SLC9B2: variants seen among roughly 807,000 people sequenced by gnomAD.
The protein encoded by SLC9B2 is sodium/hydrogen exchanger 9B2.
In SLC9B2, 39 loss-of-function variants were observed where a neutral mutation model predicts 52.2. That is an observed-to-expected ratio of 0.75 (90% CI 0.58 to 0.98). SLC9B2 has a LOEUF of 0.98. SLC9B2 is among the 50% of genes least tolerant of loss of function. SLC9B2 has a pLI of 0.00. For synonymous variants in SLC9B2, 214 were observed against 227.0 expected (o/e 0.94, Z 0.51); for missense variants, 626 against 637.5 (o/e 0.98, Z 0.19).
At chr4:103,061,595 C>T (rs1430792037) in intron 3 of SLC9B2, among the ~76,000 whole-genome samples, 1 of 152,016 alleles carries the variant, frequency 6.6e-6, no homozygotes, top group Non-Finnish European at 1.5e-5. Context: ...ACCAACATGG[C>T]ACATGTATAC....
At chr4:103,030,884 T>A (rs1194903975) in intron 10 of SLC9B2, among the ~76,000 whole-genome samples, 2 of 152,150 alleles carry the variant, frequency 1.3e-5, no homozygotes, top group African/African-American at 2.4e-5. Context: ...CATTTATGAG[T>A]CTGACTACTC....
chr4:103,055,115 G>A (rs999500256), intron 4 of SLC9B2, among the ~76,000 whole-genome samples: 7 of 151,930 alleles, frequency 4.6e-5, no homozygotes, highest in African/African-American at 1.2e-4. Context: ...GGAAACCATC[G>A]TTCTCAGCAA....
intron 9 of SLC9B2, among the ~76,000 whole-genome samples, chr4:103,033,489 T>C (rs1015592158): frequency 6.6e-6 from 1 of 151,880 alleles, no homozygotes; most frequent in African/African-American, 2.4e-5. Flanking sequence ...AGTCAAACTA[T>C]TTCTCTTCGC....
chr4:103,041,375 A>G (rs7694724), intron 9 of SLC9B2, among the ~76,000 whole-genome samples: 88,307 of 151,962 alleles, frequency 0.58, 26,752 homozygotes, highest in African/African-American at 0.77. Context: ...ACATAGCAGG[A>G]CTACAGGAAA....
In SLC9B2 at chr4:103,057,517, G is replaced by C. The variant is rs867322666; in HGVS notation, c.442+284C>G. 3.9e-5 allele frequency among the ~76,000 whole-genome samples: 6 copies of C among 152,012 alleles called. No individual in the cohort carries two copies. The South Asian group carries it at 6.2e-4, about 16-fold the overall frequency. ...GACAGGGTTTCACCATGTTTGCCCTGGCTGGTCTCGAACTCCAGAGCTCAA... is the reference window on the plus strand; with the variant it reads ...GACAGGGTTTCACCATGTTTGCCCTCGCTGGTCTCGAACTCCAGAGCTCAA... On this transcript the variant is annotated intron_variant, in intron 4 of 11. Coordinates refer to ENST00000394785, the MANE Select transcript of SLC9B2 (RefSeq NM_178833.7).
intron 1 of SLC9B2, among the ~76,000 whole-genome samples, chr4:103,070,804 T>C (rs1578485951): frequency 6.6e-6 from 1 of 152,172 alleles, no homozygotes; most frequent in East Asian, 1.9e-4. Context: ...GAAGATTAGG[T>C]GTTAAATATT....
At chr4:103,045,318 T>A (rs1356651508) in intron 7 of SLC9B2, among the ~76,000 whole-genome samples, 1 of 152,212 alleles carries the variant, frequency 6.6e-6, no homozygotes, top group African/African-American at 2.4e-5. Flanking sequence ...CTTGTTATTA[T>A]GGCAATCATT....
intron 1 of SLC9B2, among the ~76,000 whole-genome samples, chr4:103,069,735 T>C (rs1227490440): frequency 6.6e-6 from 1 of 152,200 alleles, no homozygotes. Context: ...ACCCTTCTCA[T>C]TAGGAGAATT....
chr4:103,062,644 C>T (rs1433259085), intron 3 of SLC9B2, among the ~76,000 whole-genome samples: 1 of 152,044 alleles, frequency 6.6e-6, no homozygotes, highest in Non-Finnish European at 1.5e-5. Context: ...TTTTTTGAGA[C>T]AGTTTCACTC....
At chr4:103,039,231 C>G (rs1743422907) in intron 9 of SLC9B2, among the ~76,000 whole-genome samples, 2 of 152,136 alleles carry the variant, frequency 1.3e-5, no homozygotes, top group Admixed American at 1.3e-4. Context: ...TGATATCATG[C>G]TGTTCTGGAG....
At chr4:103,035,737 T>G (rs569406022) in intron 9 of SLC9B2, among the ~76,000 whole-genome samples, 2 of 152,088 alleles carry the variant, frequency 1.3e-5, no homozygotes, top group Non-Finnish European at 2.9e-5. Flanking sequence ...CTCAAATAAA[T>G]AGAACTACCA....
rs888556707 is a variant in SLC9B2 at position 103,022,325 on chromosome 4, C to G, written c.*4045G>C. ...AATATAAACATGAAGGCTTAGCATT[C>G]ATTATATACAAAAAAATTCTTCAAT... On this transcript the variant is annotated 3_prime_UTR_variant, in exon 12 of 12. Coordinates refer to ENST00000394785, the MANE Select transcript of SLC9B2 (RefSeq NM_178833.7). 6.6e-6 allele frequency among the ~76,000 whole-genome samples: 1 copy of G among 152,116 alleles called. No homozygotes were observed. The highest frequency in any genetic ancestry group is 6.5e-5 in the Admixed American group (1 of 15,272).
chr4:103,071,061 GA>G (rs539845396), intron 1 of SLC9B2, among the ~76,000 whole-genome samples: 131 of 149,286 alleles, frequency 8.8e-4, no homozygotes, highest in Non-Finnish European at 1.6e-3. Flanking sequence ...GAAGGAAACA[GA>G]AAAAAAAAAT....
At chr4:103,052,715 AT>A (rs571633889) in intron 4 of SLC9B2, among the ~76,000 whole-genome samples, 2,455 of 141,126 alleles carry the variant, frequency 0.017, 33 homozygotes, top group African/African-American at 0.041. Context: ...ATGAGGGGAC[AT>A]TTTTTTTTTT....
intron 11 of SLC9B2, among the ~76,000 whole-genome samples, chr4:103,027,182 T>C (rs1742299670): frequency 6.6e-6 from 1 of 152,210 alleles, no homozygotes. Flanking sequence ...AGAATCACAA[T>C]ATTAATTAAA....
At chr4:103,065,969 T>C (rs528922865) in intron 3 of SLC9B2, among the ~76,000 whole-genome samples, 17 of 152,344 alleles carry the variant, frequency 1.1e-4, no homozygotes, top group South Asian at 1.0e-3. Context: ...ATTACTTGCA[T>C]TACTTAACAG....
chr4:103,060,788 G>C (rs1022770658), intron 3 of SLC9B2, among the ~76,000 whole-genome samples: 1 of 152,048 alleles, frequency 6.6e-6, no homozygotes, highest in African/African-American at 2.4e-5. Flanking sequence ...TCCCATCCAA[G>C]ACCATCTGAA....
At chr4:103,046,199 T>C (rs1320804920) in intron 7 of SLC9B2, among the ~76,000 whole-genome samples, 2 of 152,210 alleles carry the variant, frequency 1.3e-5, no homozygotes, top group Non-Finnish European at 2.9e-5. Context: ...GCCAAGAAGA[T>C]GTGTTCCCAC....
In SLC9B2 at chr4:103,026,546, C is replaced by T. The variant is rs1283056123; in HGVS notation, c.1438G>A (p.Glu480Lys). Residue 480 changes from glutamate (E) to lysine (K), a missense_variant, in exon 12 of 12, where the codon GAG (glutamate) becomes AAG (lysine). Physicochemically the swap from Glu to Lys is moderately conservative, Grantham distance 56. Coordinates refer to ENST00000394785, the MANE Select transcript of SLC9B2 (RefSeq NM_178833.7). ...ATTCCATAGTCTTCTAATTGTTTCTCTCCATGTGACCTTGCTGTGTCCAAA... is the reference window on the plus strand; with the variant it reads ...ATTCCATAGTCTTCTAATTGTTTCTTTCCATGTGACCTTGCTGTGTCCAAA... ...VALDTARSHG[E>K]KQLEDYGMDV... The T allele has an allele frequency of 5.0e-6, 8 of 1,613,724 alleles. No homozygotes were observed. Among genetic ancestry groups the T allele is most frequent in the Non-Finnish European group, 6.8e-6 (8 of 1,179,852 alleles).
Sources: gnomAD v4.1 joint callset for allele counts (sites outside exome capture counted in the v4.1 genomes callset) on GRCh38, gnomAD v4.1.1 for gene constraint, MANE v1.5 for transcripts, NCBI Gene and HGNC (gene_info 2026-07-23, HGNC 2026-07-21) for gene names.